Variants in DMRT1 observed in about 807,000 individuals in gnomAD.
The protein encoded by DMRT1 is doublesex and mab-3 related transcription factor 1.
Under a neutral mutation model 32.3 loss-of-function variants are expected in DMRT1, and 7 were observed. That is an observed-to-expected ratio of 0.22 (90% confidence interval 0.12 to 0.41). The LOEUF is 0.41. DMRT1 is among the 10% of genes least tolerant of loss of function. DMRT1 has a pLI of 1.00. For missense variants in DMRT1, 625 were observed against 500.5 expected (o/e 1.25, Z -2.37); for synonymous variants, 278 against 206.1 (o/e 1.35, Z -2.99).
intron 2 of DMRT1, among the ~76,000 whole-genome samples, chr9:879,376 T>G (rs1227965154): frequency 6.6e-6 from 1 of 152,188 alleles, no homozygotes; most frequent in Non-Finnish European, 1.5e-5. Context: ...AATTACTACA[T>G]TTTGCAAATT....
chr9:848,593 G>T (rs535640675), intron 2 of DMRT1, among the ~76,000 whole-genome samples: 2 of 125,512 alleles, frequency 1.6e-5, no homozygotes, highest in South Asian at 2.5e-4. Context: ...TCACTCTGTT[G>T]CCCAGGCTGG....
chr9:924,610 G>A (rs549717553), intron 4 of DMRT1, among the ~76,000 whole-genome samples: 4 of 152,250 alleles, frequency 2.6e-5, no homozygotes, highest in African/African-American at 4.8e-5. Context: ...AGGGCTAAGC[G>A]TATGTGTATC....
intron 2 of DMRT1, among the ~76,000 whole-genome samples, chr9:885,258 T>C (rs185826814): frequency 2.0e-5 from 3 of 152,294 alleles, no homozygotes; most frequent in East Asian, 1.9e-4. Context: ...CTTGCGTTAG[T>C]CGGCTCAATT....
chr9:898,237 A>T (rs1769521746), intron 3 of DMRT1, among the ~76,000 whole-genome samples: 1 of 151,940 alleles, frequency 6.6e-6, no homozygotes, highest in Admixed American at 6.6e-5. Flanking sequence ...CCTGTGCCTC[A>T]GCCTCCCAAG....
rs144933513 is a variant in DMRT1, at chr9:950,742, T to C, written c.968-17243T>C. On this transcript the variant is annotated intron_variant, in intron 4 of 4. Transcript: ENST00000382276. Reference sequence around the variant, plus strand: ...CCTGTTTCATTTCCCCAGCATCTCCTAGCCCCGACTCATTAAAGAAAGCAT... The same window carrying C: ...CCTGTTTCATTTCCCCAGCATCTCCCAGCCCCGACTCATTAAAGAAAGCAT... Among the ~76,000 whole-genome samples the C allele has an allele frequency of 4.9e-3, 744 of 152,284 alleles. 2 individuals are homozygous for C. The highest frequency in any genetic ancestry group is 0.017 in the African/African-American group (708 of 41,574).
At chr9:843,923 A>G (rs773876771) in intron 1 of DMRT1, among the ~76,000 whole-genome samples, 1 of 152,204 alleles carries the variant, frequency 6.6e-6, no homozygotes, top group Non-Finnish European at 1.5e-5. Flanking sequence ...TTAAAGCTTA[A>G]TCTGTAGTGG....
chr9:881,597 C>T (rs1027333315), intron 2 of DMRT1, among the ~76,000 whole-genome samples: 33 of 152,190 alleles, frequency 2.2e-4, no homozygotes, highest in Admixed American at 2.1e-3. Context: ...TTAGGCTTCT[C>T]CATTTTAAGT....
chr9:963,017 G>C (rs1011476146), intron 4 of DMRT1, among the ~76,000 whole-genome samples: 7 of 152,118 alleles, frequency 4.6e-5, no homozygotes, highest in Non-Finnish European at 1.0e-4. Context: ...TGTACATTAT[G>C]TTTTACATAA....
intron 2 of DMRT1, among the ~76,000 whole-genome samples, chr9:887,764 A>G (rs562219164): frequency 2.0e-5 from 3 of 152,124 alleles, no homozygotes; most frequent in Admixed American, 6.5e-5. Flanking sequence ...ATTTGGTGAC[A>G]TTATCTATAC....
chr9:918,784 G>A (rs898743320), intron 4 of DMRT1, among the ~76,000 whole-genome samples: 2 of 152,186 alleles, frequency 1.3e-5, no homozygotes, highest in African/African-American at 4.8e-5. Flanking sequence ...GTACAAATAC[G>A]TAGAAAATCA....
intron 2 of DMRT1, among the ~76,000 whole-genome samples, chr9:861,008 A>G (rs1417219101): frequency 1.3e-5 from 2 of 151,094 alleles, no homozygotes; most frequent in Non-Finnish European, 2.9e-5. Context: ...GTGGACAGCC[A>G]TTAACTATTA....
chr9:856,590 G>C (rs117741284), intron 2 of DMRT1, among the ~76,000 whole-genome samples: 1 of 152,116 alleles, frequency 6.6e-6, no homozygotes, highest in East Asian at 1.9e-4. Context: ...CTTTATATTA[G>C]TAATATTTCA....
Position 864,781 on chromosome 9 carries a change from T to C in DMRT1, c.538+17638T>C, listed in dbSNP as rs144730743. ...TCCCAAAGTGCTGGGATTACAGGCGTGAGCCACCGTGCCCGCCAGCCAGTA... is the reference window on the plus strand; with the variant it reads ...TCCCAAAGTGCTGGGATTACAGGCGCGAGCCACCGTGCCCGCCAGCCAGTA... On this transcript the variant is annotated intron_variant, in intron 2 of 4. Transcript: ENST00000382276. Among the ~76,000 whole-genome samples the C allele has an allele frequency of 9.1e-3, 1,381 of 152,274 alleles. 23 individuals are homozygous for C. Among genetic ancestry groups the C allele is most frequent in the African/African-American group, 0.031 (1,285 of 41,538 alleles).
In DMRT1 at chr9:841,888, C is replaced by A. The variant is rs1403178092; in HGVS notation, c.50C>A (p.Pro17His). ...FSKPSTPSEA[P>H]HAPGVPPQGR... is the part of the protein sequence containing the mutation. ...AAGCCCTCTACACCGTCGGAAGCCC[C>A]TCACGCCCCCGGGGTACCGCCGCAG... The change falls in exon 1 of 5, where the codon CCT becomes CAT. Residue 17 changes from proline (P) to histidine (H), a missense_variant. By Grantham distance (77) the Pro-to-His change is moderately conservative. This residue lies in a region of DMRT1 where 201 missense variants were observed against 152.0 expected (regional missense o/e 1.32). Coordinates refer to ENST00000382276, the MANE Select transcript of DMRT1 (RefSeq NM_021951.3). The A allele has an allele frequency of 6.2e-7, 1 of 1,612,140 alleles. No individual in the cohort carries two copies. Among genetic ancestry groups the A allele is most frequent in the East Asian group, 2.2e-5 (1 of 44,818 alleles).
At position 891,726 on chromosome 9, in the gene DMRT1, G is replaced by A. The variant is rs565397705; in HGVS notation, c.539-2186G>A. Among the ~76,000 whole-genome samples, 16 of 150,926 alleles carry A rather than the reference G, an allele frequency of 1.1e-4. No homozygotes were observed. In the East Asian group the frequency reaches 2.5e-3, roughly 24 times the overall value. ...TTTTTAGTAGAGACAGGGTTTCACC[G>A]TGTTAGCCAGGATAGTCTTGATCTC... On this transcript the variant is annotated intron_variant, in intron 2 of 4. Transcript: ENST00000382276.
At position 841,703 on chromosome 9, in the gene DMRT1, G is replaced by A. The variant is rs988923146; in HGVS notation, c.-136G>A. 7.2e-6 allele frequency: 11 copies of A among 1,531,626 alleles called. No individual in the cohort carries two copies. Among genetic ancestry groups the A allele is most frequent in the African/African-American group, 6.9e-5 (5 of 72,740 alleles). 94.9% of individuals were successfully genotyped at this position (1,531,626 alleles called of 1,614,324 possible). On this transcript the variant is annotated 5_prime_UTR_variant, in exon 1 of 5. Transcript: ENST00000382276. ...GGCGTGCCCAGACCTCGCCACTCCA[G>A]CTGCGCCTCCGGCTGCAGCGCACAC...
At chr9:848,475 A>G (rs1395290127) in intron 2 of DMRT1, among the ~76,000 whole-genome samples, 1 of 152,040 alleles carries the variant, frequency 6.6e-6, no homozygotes, top group African/African-American at 2.4e-5. Context: ...ACAGAGGTCA[A>G]GATACTCTTT....
At chr9:920,334 G>A (rs1818314078) in intron 4 of DMRT1, among the ~76,000 whole-genome samples, 1 of 152,184 alleles carries the variant, frequency 6.6e-6, no homozygotes, top group Middle Eastern at 3.2e-3. Context: ...AAAAGAGGGA[G>A]GAGGAGCAGC....
chr9:855,091 A>G (rs7029148), intron 2 of DMRT1, among the ~76,000 whole-genome samples: 67,705 of 151,516 alleles, frequency 0.45, 15,767 homozygotes, highest in Non-Finnish European at 0.52. Flanking sequence ...TTGATAGCCT[A>G]TTTTAGATAG....
Sources: gnomAD v4.1 joint callset for allele counts (sites outside exome capture counted in the v4.1 genomes callset) on GRCh38, gnomAD v4.1.1 for gene constraint, gnomAD v4.1.1 regional missense constraint, MANE v1.5 for transcripts, NCBI Gene and HGNC (gene_info 2026-07-23, HGNC 2026-07-21) for gene names.